SDK1: variants seen among roughly 807,000 people sequenced by gnomAD.
SDK1 encodes the protein sidekick cell adhesion molecule 1, also known as protein sidekick-1.
SDK1 carries 157 observed loss-of-function variants against 245.5 expected under a neutral mutation model. The observed-to-expected ratio is 0.64, with a 90% CI of 0.56 to 0.73. The LOEUF (loss-of-function observed/expected upper bound fraction) is 0.73. SDK1 is among the 30% of genes least tolerant of loss of function. The pLI, the probability that SDK1 is intolerant of heterozygous loss-of-function variation, is 0.00. For missense variants in SDK1, 3,583 were observed against 3,002.3 expected (o/e 1.19, Z -4.52); for synonymous variants, 1,647 against 1,278.5 (o/e 1.29, Z -6.15).
At chr7:4,257,915 A>G (rs916885183) in intron 44 of SDK1, among the ~76,000 whole-genome samples, 1 of 150,594 alleles carries the variant, frequency 6.6e-6, no homozygotes, top group Non-Finnish European at 1.5e-5. Context: ...CGGTTTTCTG[A>G]GAGGCAAGCT....
intron 20 of SDK1, among the ~76,000 whole-genome samples, chr7:4,068,174 TCTC>T (rs1408649969): frequency 2.0e-5 from 3 of 152,112 alleles, no homozygotes; most frequent in Admixed American, 1.3e-4. Context: ...TGAGATCTGT[TCTC>T]CTCGCATGAT....
intron 18 of SDK1, 78 bp downstream of exon 18, chr7:4,049,541 C>T (rs1789285922): frequency 9.3e-7 from 1 of 1,076,102 alleles, no homozygotes; most frequent in Non-Finnish European, 1.4e-6. Flanking sequence ...GAGGCACCCC[C>T]TCTTGTGTAT....
chr7:3,940,608 T>C (rs1232916306), intron 5 of SDK1, among the ~76,000 whole-genome samples: 1 of 151,968 alleles, frequency 6.6e-6, no homozygotes, highest in African/African-American at 2.4e-5. Context: ...TTTGGGAGGC[T>C]GAGGCACTTT....
intron 4 of SDK1, among the ~76,000 whole-genome samples, chr7:3,679,660 A>G (rs937227228): frequency 5.9e-5 from 9 of 152,244 alleles, no homozygotes; most frequent in African/African-American, 2.2e-4. Context: ...TACCTTTGCC[A>G]TCATTGGCCA....
At chr7:3,330,672 T>C (rs921833885) in intron 1 of SDK1, among the ~76,000 whole-genome samples, 5 of 152,114 alleles carry the variant, frequency 3.3e-5, no homozygotes, top group African/African-American at 2.4e-5. Context: ...AACTTTTCTT[T>C]ATGAATTACC....
chr7:3,798,255 T>C lies in SDK1; in HGVS notation c.714-23195T>C, dbSNP rs576545844. Among the ~76,000 whole-genome samples the C allele has an allele frequency of 2.9e-3, 439 of 149,976 alleles. 3 individuals are homozygous for C. The highest frequency in any genetic ancestry group is 0.01 in the African/African-American group (425 of 40,574). ...TTTTTTGAGACAGATTCTGTCTCTTTTGCCCAGGCTGGAGTGCAGTGGCGC... is the reference window on the plus strand; with the variant it reads ...TTTTTTGAGACAGATTCTGTCTCTTCTGCCCAGGCTGGAGTGCAGTGGCGC... On this transcript the variant is annotated intron_variant, in intron 4 of 44. Coordinates refer to ENST00000404826, the MANE Select transcript of SDK1 (RefSeq NM_152744.4).
At chr7:3,636,647 A>T (rs1394862028) in intron 2 of SDK1, among the ~76,000 whole-genome samples, 2 of 152,138 alleles carry the variant, frequency 1.3e-5, no homozygotes, top group African/African-American at 4.8e-5. Flanking sequence ...CTAATTGTGG[A>T]TAATGCTGCA....
intron 4 of SDK1, among the ~76,000 whole-genome samples, chr7:3,786,698 G>A (rs1018470586): frequency 2.0e-5 from 3 of 152,160 alleles, no homozygotes; most frequent in East Asian, 1.9e-4. Context: ...TCTTTTTCTC[G>A]CTGATGAAAT....
intron 22 of SDK1, among the ~76,000 whole-genome samples, chr7:4,096,329 A>G (rs7785691): frequency 0.28 from 42,175 of 152,064 alleles, 6,644 homozygotes; most frequent in African/African-American, 0.42. Context: ...GGGAAGGTGA[A>G]GTTATTACCT....
chr7:3,972,312 C>T (rs1215314710), intron 12 of SDK1, among the ~76,000 whole-genome samples: 1 of 152,140 alleles, frequency 6.6e-6, no homozygotes, highest in Non-Finnish European at 1.5e-5. Context: ...ATGTCTTGAC[C>T]TCGTGATCCA....
chr7:3,975,913 GT>G (rs1562604502), intron 13 of SDK1, among the ~76,000 whole-genome samples: 95 of 147,398 alleles, frequency 6.4e-4, no homozygotes, highest in Admixed American at 1.0e-3. Flanking sequence ...CACGTAGAGG[GT>G]CCTCCAGAGA....
chr7:3,394,891 A>C (rs185548265), intron 1 of SDK1, among the ~76,000 whole-genome samples: 11 of 152,108 alleles, frequency 7.2e-5, no homozygotes, highest in Middle Eastern at 3.4e-3. Context: ...AATTAGTTCT[A>C]ATAGTTTTTT....
intron 1 of SDK1, among the ~76,000 whole-genome samples, chr7:3,381,335 A>G (rs1187699170): frequency 6.6e-6 from 1 of 152,080 alleles, no homozygotes; most frequent in Non-Finnish European, 1.5e-5. Flanking sequence ...GTCCACTAGG[A>G]ACTGAGACAT....
intron 29 of SDK1, 33 bp downstream of exon 29, chr7:4,145,949 A>G (rs370308362): frequency 2.6e-6 from 4 of 1,561,570 alleles, no homozygotes; most frequent in Non-Finnish European, 2.6e-6. Flanking sequence ...GGTACTGCAG[A>G]TGTTGTGGGC....
At position 4,180,529 on chromosome 7, in the gene SDK1, GGCTCCAGCTCTATGCCCAGCGCCCA is replaced by G. The variant is rs1321430003; in HGVS notation, c.5098+1951_5098+1975del. On this transcript the variant is annotated intron_variant, in intron 35 of 44. Coordinates refer to ENST00000404826, the MANE Select transcript of SDK1 (RefSeq NM_152744.4). ...GGCTCCAGCTCTATGTCCAGCACCC[GGCTCCAGCTCTATGCCCAGCGCCCA>G]GCTCCAGTTCTAGGGTCTGCGCTGT... 5.9e-4 allele frequency among the ~76,000 whole-genome samples: 87 copies of G among 147,200 alleles called. No homozygotes were observed. The East Asian group carries it at 0.014, about 23-fold the overall frequency.
At chr7:3,676,820 G>T (rs1381100359) in intron 4 of SDK1, among the ~76,000 whole-genome samples, 1 of 152,194 alleles carries the variant, frequency 6.6e-6, no homozygotes, top group Non-Finnish European at 1.5e-5. Flanking sequence ...TGATCAGATG[G>T]TTGTAGGTGT....
intron 1 of SDK1, among the ~76,000 whole-genome samples, chr7:3,356,446 T>C (rs1362027285): frequency 6.6e-6 from 1 of 152,170 alleles, no homozygotes; most frequent in Non-Finnish European, 1.5e-5. Context: ...TATCCCCAAG[T>C]CTCTGTGTTA....
rs1401980974 is a variant in SDK1, at chr7:4,268,200, A to G, written c.*2816A>G. The G allele has an allele frequency of 4.1e-6, 4 of 987,584 alleles. No homozygotes were observed. Among genetic ancestry groups the G allele is most frequent in the Non-Finnish European group, 4.8e-6 (4 of 831,420 alleles). The allele number at this position is 987,584 out of a possible 1,614,324, so 61.2% of individuals were successfully genotyped here. On this transcript the variant is annotated 3_prime_UTR_variant, in exon 45 of 45. Transcript: ENST00000404826. ...ACCCACCCCCAACGTGGCTCATTTC[A>G]GATTGCTTCGGCCCCACCCTGCAAG... is the stretch of plus-strand genomic sequence containing the variant.
chr7:4,083,733 C>CCTCCCTTCTTCTTCCCTCCCTCCTTT (rs1562785176), intron 22 of SDK1, among the ~76,000 whole-genome samples: 2 of 8,570 alleles, frequency 2.3e-4, no homozygotes, highest in African/African-American at 9.9e-4. Context: ...TTACTTCCTC[C>CCTCCCTTCTTCTTCCCTCCCTCCTTT]ATCCCTCCCT....
Sources: gnomAD v4.1 joint callset for allele counts (sites outside exome capture counted in the v4.1 genomes callset) on GRCh38, gnomAD v4.1.1 for gene constraint, MANE v1.5 for transcripts, NCBI Gene and HGNC (gene_info 2026-07-23, HGNC 2026-07-21) for gene names.